SDHAF4: variants seen among roughly 807,000 people sequenced by gnomAD.
SDHAF4 encodes the protein succinate dehydrogenase complex assembly factor 4, also known as succinate dehydrogenase assembly factor 4, mitochondrial.
SDHAF4 carries 14 observed loss-of-function variants against 14.3 expected under a neutral mutation model. That is an observed-to-expected ratio of 0.98 (90% CI 0.65 to 1.53). The LOEUF (loss-of-function observed/expected upper bound fraction) is 1.53. SDHAF4 is among the 40% of genes most tolerant of loss of function. The pLI, the probability that SDHAF4 is intolerant of heterozygous loss-of-function variation, is 0.00. For missense variants in SDHAF4, 141 were observed against 129.3 expected (o/e 1.09, Z -0.44); for synonymous variants, 63 against 47.3 (o/e 1.33, Z -1.36).
chr6:70,587,449 G>A (rs898802828), intron 2 of SDHAF4, among the ~76,000 whole-genome samples: 2 of 152,264 alleles, frequency 1.3e-5, no homozygotes, highest in Admixed American at 6.5e-5. Flanking sequence ...CTGAGATCAC[G>A]CCACTCCACT....
intron 2 of SDHAF4, among the ~76,000 whole-genome samples, chr6:70,581,116 A>G (rs1361705171): frequency 6.6e-6 from 1 of 151,860 alleles, no homozygotes; most frequent in Non-Finnish European, 1.5e-5. Flanking sequence ...TTTAGTAGAG[A>G]TGGGGGTTTC....
At chr6:70,569,260 G>A (rs1023208601) in intron 1 of SDHAF4, among the ~76,000 whole-genome samples, 1 of 150,582 alleles carries the variant, frequency 6.6e-6, no homozygotes, top group South Asian at 2.1e-4. Context: ...CACCGCACCC[G>A]GCCTCTTTTT....
intron 1 of SDHAF4, among the ~76,000 whole-genome samples, chr6:70,572,058 C>CTTTTTTTTTTTTTTT (rs66688860): frequency 1.9e-5 from 1 of 53,510 alleles, no homozygotes; most frequent in Non-Finnish European, 3.2e-5. Flanking sequence ...CTTTTTTTGT[C>CTTTTTTTTTTTTTTT]TTTTTTTTTT....
downstream of SDHAF4, among the ~76,000 whole-genome samples, chr6:70,590,769 G>T (rs1382892927): frequency 1.3e-5 from 2 of 152,144 alleles, no homozygotes; most frequent in African/African-American, 4.8e-5. Flanking sequence ...ACATGTATTA[G>T]TCAGGGCTCT....
chr6:70,579,595 TTGAAGTATC>T, intron 2 of SDHAF4, 29 bp downstream of exon 2: 1 of 1,543,994 alleles, frequency 6.5e-7, no homozygotes, highest in Non-Finnish European at 8.7e-7. Flanking sequence ...CTCTCAGTTT[TTGAAGTATC>T]AAGGAAAGTG....
intron 1 of SDHAF4, among the ~76,000 whole-genome samples, chr6:70,575,454 G>T (rs1335973055): frequency 2.0e-5 from 3 of 148,108 alleles, no homozygotes; most frequent in African/African-American, 5.1e-5. Context: ...GCTGTGTGTG[G>T]TGGCTAATTT....
intron 2 of SDHAF4, among the ~76,000 whole-genome samples, chr6:70,582,047 G>A (rs1037946132): frequency 2.0e-5 from 3 of 152,132 alleles, no homozygotes; most frequent in Non-Finnish European, 4.4e-5. Context: ...TTCCAAGGGA[G>A]ATTTCATATT....
At chr6:70,577,561 T>C (rs1802272295) in intron 1 of SDHAF4, among the ~76,000 whole-genome samples, 1 of 152,176 alleles carries the variant, frequency 6.6e-6, no homozygotes. Flanking sequence ...CATTTTAAAA[T>C]CCGAAGTTTT....
the SDHAF4 span, among the ~76,000 whole-genome samples, chr6:70,595,141 G>T: frequency 2.6e-5 from 4 of 152,126 alleles, no homozygotes; most frequent in African/African-American, 9.7e-5. Flanking sequence ...AATAATGGAA[G>T]GACAGGAACT....
chr6:70,588,379 G>T (rs1052306994), intron 2 of SDHAF4, among the ~76,000 whole-genome samples: 46 of 152,232 alleles, frequency 3.0e-4, no homozygotes, highest in African/African-American at 1.1e-3. Context: ...AATTAGTTGG[G>T]CGTGGTGGCA....
intron 1 of SDHAF4, among the ~76,000 whole-genome samples, chr6:70,572,468 C>T (rs528968802): frequency 2.0e-5 from 3 of 152,128 alleles, no homozygotes; most frequent in African/African-American, 7.2e-5. Context: ...TGAGTTAAGG[C>T]ATATATTAGC....
intron 2 of SDHAF4, among the ~76,000 whole-genome samples, chr6:70,580,638 C>T (rs1423756595): frequency 6.6e-6 from 1 of 152,126 alleles, no homozygotes; most frequent in Non-Finnish European, 1.5e-5. Flanking sequence ...GAAAACTATT[C>T]AGTCATAAAA....
intron 1 of SDHAF4, among the ~76,000 whole-genome samples, chr6:70,571,940 A>T (rs1802183828): frequency 6.7e-6 from 1 of 148,628 alleles, no homozygotes; most frequent in South Asian, 2.1e-4. Context: ...TTTTTTTAAA[A>T]TTTTCTGCTC....
At chr6:70,581,282 A>C (rs1253228469) in intron 2 of SDHAF4, among the ~76,000 whole-genome samples, 1 of 150,902 alleles carries the variant, frequency 6.6e-6, no homozygotes, top group Non-Finnish European at 1.5e-5. Context: ...TTAAATGAGA[A>C]ATATTATGTT....
rs1030018549 is a variant in SDHAF4, at chr6:70,567,099, C to T, written c.64+95C>T. The T allele has an allele frequency of 3.0e-5, 38 of 1,285,670 alleles. No homozygotes were observed. The African/African-American group carries it at 3.4e-4, about 12-fold the overall frequency. The allele number at this position is 1,285,670 out of a possible 1,614,324, so 79.6% of individuals were successfully genotyped here. A position where few individuals can be genotyped will look rare whatever the true frequency, so the allele number is the denominator to read the frequency against. On this transcript the variant is annotated intron_variant, in intron 1 of 2. Transcript: ENST00000370474. The stretch of plus-strand genomic sequence containing the variant: ...TCCCGCGGAGGAAGCCGCGTGTGTC[C>T]TGGCCGTTCGGTGTTGCCAGGGGCT...
chr6:70,593,078 C>A (rs1461379849), downstream of SDHAF4, among the ~76,000 whole-genome samples: 1 of 152,238 alleles, frequency 6.6e-6, no homozygotes, highest in Non-Finnish European at 1.5e-5. Flanking sequence ...GCTGCTCAAG[C>A]AGCTCTAGCT....
At chr6:70,597,215 C>A in the SDHAF4 span, among the ~76,000 whole-genome samples, 68 of 150,928 alleles carry the variant, frequency 4.5e-4, no homozygotes, top group African/African-American at 1.5e-3. Context: ...CTCACTGCAA[C>A]CTCTGCCTCT....
chr6:70,571,444 A>C (rs1194018085), intron 1 of SDHAF4, among the ~76,000 whole-genome samples: 1 of 152,064 alleles, frequency 6.6e-6, no homozygotes, highest in African/African-American at 2.4e-5. Context: ...CCTCCGGAGT[A>C]GCTGGGATTA....
At chr6:70,583,719 A>G (rs35426375) in intron 2 of SDHAF4, among the ~76,000 whole-genome samples, 1 of 152,088 alleles carries the variant, frequency 6.6e-6, no homozygotes, top group Non-Finnish European at 1.5e-5. Context: ...ACACAAAAAA[A>G]CTCAATGTTT....
Sources: allele counts gnomAD v4.1 joint callset (sites outside exome capture counted in the v4.1 genomes callset), GRCh38; gene constraint gnomAD v4.1.1; transcripts MANE v1.5; gene names NCBI Gene and HGNC (gene_info 2026-07-23, HGNC 2026-07-21).